Variants in USP36 observed in about 807,000 individuals in gnomAD.
USP36 encodes ubiquitin specific peptidase 36, also known as ubiquitin carboxyl-terminal hydrolase 36.
A neutral mutation model predicts 111.5 loss-of-function variants in USP36; 59 were observed. The observed-to-expected ratio is 0.53, with a 90% CI of 0.43 to 0.66. The LOEUF (loss-of-function observed/expected upper bound fraction) is 0.66. Among genes scored for constraint, USP36 ranks in the 30% least tolerant of loss-of-function variants. The pLI, the probability that USP36 is intolerant of heterozygous loss-of-function variation, is 0.00. For synonymous variants in USP36, 628 were observed against 581.0 expected (o/e 1.08, Z -1.16); for missense variants, 1,488 against 1,468.0 (o/e 1.01, Z -0.22).
At chr17:78,804,353 C>T (rs1438485098) in intron 15 of USP36, among the ~76,000 whole-genome samples, 2 of 151,092 alleles carry the variant, frequency 1.3e-5, no homozygotes, top group Non-Finnish European at 1.5e-5. Context: ...CTCAGCTAGT[C>T]AGGAGACTGA....
Position 78,802,388 on chromosome 17 carries a change from A to T in USP36, c.2958T>A (p.Ala986=). ...KCPRSAKPQD[A]VVPESSSCAP... Reference sequence around the variant, plus strand: ...CGCAGCTGCTGGACTCGGGGACAACAGCATCTTGGGGCTTGGCACTCCTTG... The same window carrying T: ...CGCAGCTGCTGGACTCGGGGACAACTGCATCTTGGGGCTTGGCACTCCTTG... The change falls in exon 17 of 21, where the codon GCT becomes GCA. Residue 986 remains alanine (A), a synonymous_variant. Transcript: ENST00000449938. The T allele has an allele frequency of 6.2e-7, 1 of 1,609,608 alleles. No homozygotes were observed. Among genetic ancestry groups the T allele is most frequent in the South Asian group, 1.1e-5 (1 of 90,290 alleles).
Position 78,798,272 on chromosome 17 carries a change from AAC to A in USP36, c.*20+126_*20+127del, listed in dbSNP as rs965655148. 7 of 1,281,732 alleles carry A rather than the reference AAC, an allele frequency of 5.5e-6. No homozygotes were observed. The Admixed American group carries it at 1.2e-4, about 22-fold the overall frequency. The allele number at this position is 1,281,732 out of a possible 1,614,324, so 79.4% of individuals were successfully genotyped here. On this transcript the variant is annotated intron_variant, in intron 20 of 20. Transcript: ENST00000449938. This position sits in a 1 kb window ranked among gnomAD's most constrained non-coding sequence, Gnocchi z 5.1. ...CGCGCCCACACCACACACACCACCC[AAC>A]ACACATGTGCCAGATACACAGCCCA...
chr17:78,819,541 T>TC (rs973068620), intron 9 of USP36, among the ~76,000 whole-genome samples: 9 of 152,224 alleles, frequency 5.9e-5, no homozygotes, highest in Admixed American at 5.2e-4. Flanking sequence ...TTGGGCACAG[T>TC]CCCTGGGGCG....
chr17:78,831,085 G>A (rs1412017974), intron 4 of USP36, among the ~76,000 whole-genome samples: 1 of 151,522 alleles, frequency 6.6e-6, no homozygotes, highest in East Asian at 2.0e-4. Context: ...AATTAGCCAG[G>A]CATGGTGGCA....
intron 13 of USP36, among the ~76,000 whole-genome samples, chr17:78,808,534 A>G (rs981240500): frequency 5.9e-5 from 9 of 152,316 alleles, no homozygotes; most frequent in African/African-American, 2.2e-4. Context: ...TACAGGCCTG[A>G]GCAACTGCAC....
intron 8 of USP36, 51 bp downstream of exon 8, chr17:78,820,919 TTCTGCGGGTTCTGTTTCACCC>T (rs2094302806): frequency 6.7e-7 from 1 of 1,489,244 alleles, no homozygotes; most frequent in Admixed American, 1.9e-5. Context: ...GCCTTTACTG[TTCTGCGGGTTCTGTTTCACCC>T]TCTGGCCTCG....
chr17:78,836,018 CTT>C (rs2068630989), intron 3 of USP36, 91 bp downstream of exon 3: 4 of 1,531,692 alleles, frequency 2.6e-6, no homozygotes, highest in Admixed American at 2.0e-5. Context: ...ACCACATTCT[CTT>C]GTTTTTCCTA....
chr17:78,799,877 CTTTTT>C (rs549964435), intron 17 of USP36, 109 bp from the exon 18 acceptor site: 6,665 of 154,620 alleles, frequency 0.043, 77 homozygotes, highest in East Asian at 0.12. Context: ...GGATGCTTGC[CTTTTT>C]TTTTTTTTTT....
chr17:78,820,704 G>A (rs1315065219), intron 8 of USP36, among the ~76,000 whole-genome samples: 1 of 152,150 alleles, frequency 6.6e-6, no homozygotes, highest in Non-Finnish European at 1.5e-5. Context: ...GCCGCCCAGA[G>A]CACACAACAG....
chr17:78,801,275 C>G (rs1470298183), intron 17 of USP36, among the ~76,000 whole-genome samples: 1 of 152,236 alleles, frequency 6.6e-6, no homozygotes, highest in Non-Finnish European at 1.5e-5. Flanking sequence ...CACCCCCGGC[C>G]AGGGCAGTAC....
At chr17:78,826,925 T>C (rs1238445703) in intron 6 of USP36, 6 of 596,226 alleles carry the variant, frequency 1.0e-5, no homozygotes, top group Middle Eastern at 4.4e-4. Flanking sequence ...AAGAACTGAA[T>C]GCCCCTAAGA....
At chr17:78,839,366 G>A (rs928500948) in intron 1 of USP36, among the ~76,000 whole-genome samples, 1 of 152,050 alleles carries the variant, frequency 6.6e-6, no homozygotes, top group South Asian at 2.1e-4. Context: ...TCAGACCTAT[G>A]ACTTCATCCA....
intron 9 of USP36, 79 bp downstream of exon 9, chr17:78,819,851 G>C: frequency 6.9e-7 from 1 of 1,443,672 alleles, no homozygotes; most frequent in Non-Finnish European, 9.7e-7. Flanking sequence ...GGAAGAGTGG[G>C]TGGGCACAAC....
At position 78,807,117 on chromosome 17, in the gene USP36, T is replaced by C. The variant is rs2093925042; in HGVS notation, c.1927A>G (p.Thr643Ala). 1.2e-6 allele frequency: 2 copies of C among 1,614,092 alleles called. No individual in the cohort carries two copies. The highest frequency in any genetic ancestry group is 1.1e-5 in the South Asian group (1 of 91,092). The change falls in exon 14 of 21, where the codon ACG becomes GCG. Residue 643 changes from threonine to alanine, a missense_variant. Thr to Ala is a moderately conservative substitution (Grantham distance 58, BLOSUM62 0). Transcript: ENST00000449938. ...GAAHLCDSQE[T>A]NCSTAGHSKT... ...GAGTGGCCAGCGGTGGAACAGTTCG[T>C]TTCCTGAGAATCGCAGAGATGGGCC...
At chr17:78,818,973 A>G (rs2094253395) in intron 9 of USP36, 195 bp from the exon 10 acceptor site, 1 of 531,004 alleles carries the variant, frequency 1.9e-6, no homozygotes, top group Non-Finnish European at 3.4e-6. Flanking sequence ...ACAGGGAAAT[A>G]AGACTACAGA....
chr17:78,802,180 G>A, intron 17 of USP36, 144 bp downstream of exon 17: 1 of 644,946 alleles, frequency 1.6e-6, no homozygotes, highest in Non-Finnish European at 2.1e-6. Flanking sequence ...CCCTCGCCCG[G>A]TGCACACCCA....
At chr17:78,806,428 G>T in intron 14 of USP36, 142 bp from the exon 15 acceptor site, 1 of 1,016,082 alleles carries the variant, frequency 9.8e-7, no homozygotes. Context: ...AAGACAAAAA[G>T]GGGAGGTGAG....
Position 78,835,255 on chromosome 17 carries a change from C to T in USP36, c.475+25G>A, listed in dbSNP as rs1323919890. The T allele has an allele frequency of 4.3e-6, 7 of 1,609,718 alleles. No individual in the cohort carries two copies. The East Asian group carries it at 1.3e-4, about 31-fold the overall frequency. On this transcript the variant is annotated intron_variant, in intron 4 of 20. Transcript: ENST00000449938. Reference sequence around the variant, plus strand: ...TCTAATCCAGAGGACCCACAGCCACCCCACTGCTGCAAACCCACACTCACA... The same window carrying T: ...TCTAATCCAGAGGACCCACAGCCACTCCACTGCTGCAAACCCACACTCACA...
At chr17:78,819,766 T>C (rs2094274330) in intron 9 of USP36, among the ~76,000 whole-genome samples, 164 bp downstream of exon 9, 1 of 152,280 alleles carries the variant, frequency 6.6e-6, no homozygotes. Flanking sequence ...ATTGCTTCAT[T>C]CGTGTTATTT....
Sources: gnomAD v4.1 joint callset for allele counts (sites outside exome capture counted in the v4.1 genomes callset) on GRCh38, gnomAD v4.1.1 for gene constraint, Gnocchi (gnomAD v3.1) non-coding constraint, MANE v1.5 for transcripts, NCBI Gene and HGNC (gene_info 2026-07-23, HGNC 2026-07-21) for gene names.